The following NKAIN2 variants were observed in gnomAD, a reference collection of about 807,000 sequenced individuals.
The protein encoded by NKAIN2 is sodium/potassium-transporting ATPase subunit beta-1-interacting protein 2.
Under a neutral mutation model 32.6 loss-of-function variants are expected in NKAIN2, and 14 were observed. That is an observed-to-expected ratio of 0.43 (90% CI 0.28 to 0.67). NKAIN2 has a LOEUF of 0.67. Ranked by LOEUF, NKAIN2 falls within the 30% of genes least tolerant of loss-of-function variation. The pLI is 0.17. For missense variants in NKAIN2, 198 were observed against 258.3 expected (o/e 0.77, Z 1.60); for synonymous variants, 80 against 87.2 (o/e 0.92, Z 0.46).
intron 3 of NKAIN2, among the ~76,000 whole-genome samples, chr6:124,388,488 C>T (rs1187259040): frequency 6.6e-6 from 1 of 152,034 alleles, no homozygotes; most frequent in African/African-American, 2.4e-5. Flanking sequence ...CACTGATCTA[C>T]AGTAATGTAA....
chr6:123,948,596 G>GTTTTTTTTTTTTTTTTTTTTTTTTTT (rs1582826747), intron 1 of NKAIN2, among the ~76,000 whole-genome samples: 1 of 93,246 alleles, frequency 1.1e-5, no homozygotes, highest in African/African-American at 4.2e-5. Flanking sequence ...TCTTAAATGG[G>GTTTTTTTTTTTTTTTTTTTTTTTTTT]ATTTTTTTTT....
In NKAIN2 at chr6:123,855,277, C is replaced by G. The variant is rs540434916; in HGVS notation, c.54+51023C>G. Among the ~76,000 whole-genome samples, 4 of 152,252 alleles carry G rather than the reference C, an allele frequency of 2.6e-5. No individual in the cohort carries two copies. In the East Asian group the frequency reaches 7.7e-4, roughly 29 times the overall value. On this transcript the variant is annotated intron_variant, in intron 1 of 6. Transcript: ENST00000368417. ...ATATTATTATCCTTCTGTTGCAATA[C>G]ATATGACTGAGGCAAACAGTGAAAA...
chr6:124,793,529 G>T (rs1779839092), intron 5 of NKAIN2, among the ~76,000 whole-genome samples: 1 of 151,986 alleles, frequency 6.6e-6, no homozygotes, highest in African/African-American at 2.4e-5. Context: ...TATGTTGTTT[G>T]ATTTCATTTC....
At chr6:124,571,631 G>C (rs889294443) in intron 3 of NKAIN2, among the ~76,000 whole-genome samples, 1 of 152,126 alleles carries the variant, frequency 6.6e-6, no homozygotes, top group Non-Finnish European at 1.5e-5. Context: ...GGAACTGTAA[G>C]CCCAGTTAAC....
intron 1 of NKAIN2, among the ~76,000 whole-genome samples, chr6:124,002,401 T>C (rs994518326): frequency 2.0e-5 from 3 of 152,166 alleles, no homozygotes; most frequent in Non-Finnish European, 4.4e-5. Flanking sequence ...TACAAAGAAC[T>C]AAGTCCTCAT....
rs149599790 is a variant in NKAIN2, at chr6:123,865,403, G to A, written c.54+61149G>A. The stretch of plus-strand genomic sequence containing the variant: ...TTGATGTAAAGACAACTCTAAAATG[G>A]CATCTATTCCAGTAAGCAGTATTTT... On this transcript the variant is annotated intron_variant, in intron 1 of 6. Coordinates refer to ENST00000368417, the MANE Select transcript of NKAIN2 (RefSeq NM_001040214.3). 2.6e-3 allele frequency among the ~76,000 whole-genome samples: 398 copies of A among 151,964 alleles called. 1 individual carries two copies. Among genetic ancestry groups the A allele is most frequent in the Middle Eastern group, 0.017 (5 of 288 alleles).
chr6:123,877,957 T>C (rs1391309936), intron 1 of NKAIN2, among the ~76,000 whole-genome samples: 1 of 152,242 alleles, frequency 6.6e-6, no homozygotes, highest in Non-Finnish European at 1.5e-5. Flanking sequence ...CCGGGTGTGG[T>C]GGCCTACGCC....
intron 1 of NKAIN2, among the ~76,000 whole-genome samples, chr6:123,876,232 C>T (rs1183537083): frequency 6.6e-6 from 1 of 152,148 alleles, no homozygotes; most frequent in East Asian, 1.9e-4. Context: ...TCCATTCTTT[C>T]AAAATTATTT....
chr6:124,304,501 T>A (rs57742398), intron 2 of NKAIN2, among the ~76,000 whole-genome samples: 6,764 of 152,050 alleles, frequency 0.044, 524 homozygotes, highest in African/African-American at 0.16. Context: ...AGAAGTATAG[T>A]TAGAGTAGAA....
At chr6:124,536,297 A>G (rs1779712445) in intron 3 of NKAIN2, among the ~76,000 whole-genome samples, 1 of 152,042 alleles carries the variant, frequency 6.6e-6, no homozygotes, top group Admixed American at 6.6e-5. Flanking sequence ...TTATTTGTTT[A>G]CCCCTTCAGC....
intron 1 of NKAIN2, among the ~76,000 whole-genome samples, chr6:124,011,205 C>T (rs1780307655): frequency 6.6e-6 from 1 of 152,144 alleles, no homozygotes; most frequent in Non-Finnish European, 1.5e-5. Context: ...TTCTGACTCT[C>T]TGAGTCCTCC....
intron 3 of NKAIN2, among the ~76,000 whole-genome samples, chr6:124,476,217 C>T (rs1777206850): frequency 6.6e-6 from 1 of 152,032 alleles, no homozygotes; most frequent in Non-Finnish European, 1.5e-5. Flanking sequence ...AAGAAATAAA[C>T]TGTCTTTGGT....
At position 124,386,685 on chromosome 6, in the gene NKAIN2, T is replaced by A. The variant is rs543219378; in HGVS notation, c.273+31338T>A. ...AATTGAGATGTCTGTGGTGTTGGCT[T>A]TTGTTTGTGCTGTTAATTGCCAATC... On this transcript the variant is annotated intron_variant, in intron 3 of 6. Transcript: ENST00000368417. Among the ~76,000 whole-genome samples the A allele has an allele frequency of 6.6e-5, 10 of 152,292 alleles. No homozygotes were observed. In the East Asian group the frequency reaches 1.9e-3, roughly 29 times the overall value.
intron 1 of NKAIN2, among the ~76,000 whole-genome samples, chr6:124,279,621 C>A (rs1054139856): frequency 1.3e-5 from 2 of 150,342 alleles, no homozygotes; most frequent in Admixed American, 6.6e-5. Context: ...AGAAATTGAA[C>A]TGTAGGTCAG....
intron 3 of NKAIN2, among the ~76,000 whole-genome samples, chr6:124,651,425 G>A (rs1784363370): frequency 1.3e-5 from 2 of 152,218 alleles, no homozygotes; most frequent in African/African-American, 4.8e-5. Flanking sequence ...ATTGCTTAGT[G>A]ACTCTGCCCC....
At chr6:124,430,201 G>A (rs1455574112) in intron 3 of NKAIN2, among the ~76,000 whole-genome samples, 2 of 152,074 alleles carry the variant, frequency 1.3e-5, no homozygotes, top group Non-Finnish European at 2.9e-5. Context: ...AAAAAATAAA[G>A]TCCTCTTTCA....
chr6:124,377,010 A>G (rs1800021075), intron 3 of NKAIN2, among the ~76,000 whole-genome samples: 1 of 152,202 alleles, frequency 6.6e-6, no homozygotes, highest in South Asian at 2.1e-4. Flanking sequence ...GGTAAACAGC[A>G]ATATATTCTA....
chr6:124,296,745 A>T (rs1198633104), intron 2 of NKAIN2, among the ~76,000 whole-genome samples: 1 of 152,188 alleles, frequency 6.6e-6, no homozygotes, highest in African/African-American at 2.4e-5. Context: ...TTAATTTCAA[A>T]TTTTCCCAGA....
chr6:124,733,717 T>C (rs934176338), intron 4 of NKAIN2, among the ~76,000 whole-genome samples: 1 of 151,786 alleles, frequency 6.6e-6, no homozygotes, highest in Non-Finnish European at 1.5e-5. Context: ...TAGTGTGAGT[T>C]CATATTTAGC....
Sources: allele counts gnomAD v4.1 joint callset (sites outside exome capture counted in the v4.1 genomes callset), GRCh38; gene constraint gnomAD v4.1.1; transcripts MANE v1.5; gene names NCBI Gene and HGNC (gene_info 2026-07-23, HGNC 2026-07-21).